Variants in AGBL4 observed in about 807,000 individuals in gnomAD.
AGBL4 encodes the protein cytosolic carboxypeptidase 6.
Under a neutral mutation model 66.4 loss-of-function variants are expected in AGBL4, and 58 were observed. That is an observed-to-expected ratio of 0.87 (90% CI 0.71 to 1.09). The LOEUF is 1.09. Among genes scored for constraint, AGBL4 ranks in the 50% least tolerant of loss-of-function variants. The pLI, the probability that AGBL4 is intolerant of heterozygous loss-of-function variation, is 0.00. For synonymous variants in AGBL4, 234 were observed against 222.9 expected, an observed-to-expected ratio of 1.05 and a Z score of -0.44; for missense variants, 579 against 631.0, an observed-to-expected ratio of 0.92 and a Z score of 0.88.
chr1:49,339,783 G>A (rs533309618), intron 3 of AGBL4, among the ~76,000 whole-genome samples: 17 of 152,270 alleles, frequency 1.1e-4, no homozygotes, highest in African/African-American at 4.1e-4. Context: ...CAGGTATAGA[G>A]CTAAGGGCAT....
At chr1:48,956,322 C>T (rs2148933611) in intron 5 of AGBL4, among the ~76,000 whole-genome samples, 1 of 152,300 alleles carries the variant, frequency 6.6e-6, no homozygotes, top group East Asian at 1.9e-4. Flanking sequence ...AAGACAGAAG[C>T]CGTAAATCTT....
chr1:49,084,737 C>T (rs1003986568), intron 4 of AGBL4, among the ~76,000 whole-genome samples: 22 of 152,278 alleles, frequency 1.4e-4, no homozygotes, highest in African/African-American at 5.3e-4. Flanking sequence ...CCTCTTCCCT[C>T]CTGCAGCATT....
intron 5 of AGBL4, among the ~76,000 whole-genome samples, chr1:48,963,488 G>A (rs1658171130): frequency 6.6e-6 from 1 of 151,776 alleles, no homozygotes; most frequent in African/African-American, 2.4e-5. Context: ...AACTTAAAAT[G>A]TGTAGAATTC....
At chr1:49,752,450 T>G (rs1651551180) in intron 2 of AGBL4, among the ~76,000 whole-genome samples, 1 of 152,176 alleles carries the variant, frequency 6.6e-6, no homozygotes, top group Non-Finnish European at 1.5e-5. Context: ...CTGTTTCTTA[T>G]GATTTCTTTT....
At chr1:49,628,652 T>C (rs1256381603) in intron 3 of AGBL4, among the ~76,000 whole-genome samples, 2 of 152,166 alleles carry the variant, frequency 1.3e-5, no homozygotes, top group Admixed American at 1.3e-4. Context: ...CCAATCAGCA[T>C]GATGTCACTG....
intron 3 of AGBL4, among the ~76,000 whole-genome samples, chr1:49,339,992 A>G (rs1316747469): frequency 6.6e-6 from 1 of 152,180 alleles, no homozygotes; most frequent in East Asian, 1.9e-4. Context: ...TATACCTTGC[A>G]ATTAGATTGT....
intron 3 of AGBL4, among the ~76,000 whole-genome samples, chr1:49,673,599 CT>C (rs1018787832): frequency 2.4e-4 from 37 of 152,134 alleles, no homozygotes; most frequent in African/African-American, 8.7e-4. Context: ...TACCTATAAA[CT>C]TTTTTTAAAT....
intron 9 of AGBL4, among the ~76,000 whole-genome samples, chr1:48,594,422 C>T (rs549152047): frequency 3.9e-5 from 6 of 152,082 alleles, no homozygotes; most frequent in Non-Finnish European, 1.5e-5. Context: ...TTTAAAAAAT[C>T]GGATTGTTGG....
intron 6 of AGBL4, among the ~76,000 whole-genome samples, chr1:48,846,362 G>GAAGAAGAAAGAAAGA (rs1553243605): frequency 1.3e-4 from 16 of 118,690 alleles, no homozygotes; most frequent in African/African-American, 5.0e-4. Context: ...GAGAAAGAAA[G>GAAGAAGAAAGAAAGA]AAGAAAGAAA....
intron 1 of AGBL4, among the ~76,000 whole-genome samples, chr1:49,935,736 T>G (rs1306448345): frequency 6.6e-6 from 1 of 152,062 alleles, no homozygotes; most frequent in African/African-American, 2.4e-5. Context: ...GGGTCTGGAG[T>G]GGACCTCTAG....
chr1:49,761,394 T>G (rs1652301611), intron 2 of AGBL4, among the ~76,000 whole-genome samples: 1 of 152,188 alleles, frequency 6.6e-6, no homozygotes, highest in Non-Finnish European at 1.5e-5. Context: ...AAAAGGTCAA[T>G]GTAGTCAGAG....
intron 4 of AGBL4, among the ~76,000 whole-genome samples, chr1:49,107,706 A>T (rs1197776638): frequency 5.5e-5 from 8 of 146,000 alleles, no homozygotes; most frequent in South Asian, 2.2e-4. Context: ...AGAGAGAGAG[A>T]GAGAGAGAGA....
chr1:49,567,688 C>T (rs1223035615), intron 3 of AGBL4, among the ~76,000 whole-genome samples: 1 of 152,170 alleles, frequency 6.6e-6, no homozygotes, highest in Non-Finnish European at 1.5e-5. Context: ...TTAAGCCCAG[C>T]ATGCATTAGC....
chr1:48,617,460 A>G (rs990844835), intron 9 of AGBL4, among the ~76,000 whole-genome samples: 3 of 152,158 alleles, frequency 2.0e-5, no homozygotes, highest in Non-Finnish European at 4.4e-5. Flanking sequence ...CAAATCTCTC[A>G]GTCTGGTATT....
intron 5 of AGBL4, among the ~76,000 whole-genome samples, chr1:49,005,898 G>A (rs557517905): frequency 2.0e-5 from 3 of 152,228 alleles, no homozygotes; most frequent in African/African-American, 7.2e-5. Flanking sequence ...CTACTCAGGA[G>A]GCTGAGGCAG....
intron 5 of AGBL4, among the ~76,000 whole-genome samples, chr1:48,913,208 T>C (rs968069978): frequency 2.0e-5 from 3 of 152,128 alleles, no homozygotes; most frequent in African/African-American, 7.2e-5. Context: ...GGGAGTGACA[T>C]GATGGTCATC....
chr1:48,872,454 A>G (rs532618208), intron 5 of AGBL4, among the ~76,000 whole-genome samples: 1 of 152,270 alleles, frequency 6.6e-6, no homozygotes, highest in South Asian at 2.1e-4. Context: ...GGTAGCATTA[A>G]TCAACAAGAT....
chr1:49,702,271 T>C (rs1242991200), intron 2 of AGBL4, among the ~76,000 whole-genome samples: 7 of 152,036 alleles, frequency 4.6e-5, no homozygotes, highest in Non-Finnish European at 1.0e-4. Flanking sequence ...GGCAGGCAGA[T>C]TACAAGGTCA....
At chr1:49,548,732 GT>G (rs976402243) in intron 3 of AGBL4, among the ~76,000 whole-genome samples, 1 of 152,106 alleles carries the variant, frequency 6.6e-6, no homozygotes, top group Non-Finnish European at 1.5e-5. Flanking sequence ...TCAGTCTGTA[GT>G]TTTCTTTTTT....
Sources: gnomAD v4.1 joint callset for allele counts (sites outside exome capture counted in the v4.1 genomes callset) on GRCh38, gnomAD v4.1.1 for gene constraint, MANE v1.5 for transcripts, NCBI Gene and HGNC (gene_info 2026-07-23, HGNC 2026-07-21) for gene names.